DLGAP2: variants seen among roughly 807,000 people sequenced by gnomAD.
DLGAP2 encodes the protein DLG associated protein 2, also known as disks large-associated protein 2.
DLGAP2 carries 26 observed loss-of-function variants against 100.3 expected under a neutral mutation model. The ratio of observed to expected loss-of-function variants is 0.26; its 90% CI spans 0.19 to 0.36. The LOEUF (loss-of-function observed/expected upper bound fraction) is 0.36. Among genes scored for constraint, DLGAP2 ranks in the 10% least tolerant of loss-of-function variants. DLGAP2 has a pLI of 1.00. For synonymous variants in DLGAP2, 886 were observed against 630.1 expected (o/e 1.41, Z -6.08); for missense variants, 1,858 against 1,453.2 (o/e 1.28, Z -4.53).
intron 2 of DLGAP2, among the ~76,000 whole-genome samples, chr8:1,133,881 GCA>G (rs1796348018): frequency 6.6e-6 from 1 of 151,766 alleles, no homozygotes; most frequent in Non-Finnish European, 1.5e-5. Context: ...TGGTACAAGT[GCA>G]GGTTTGTTAC....
Position 1,701,573 on chromosome 8 carries a change from A to G in DLGAP2, c.*167A>G. 1 of 715,834 alleles carries G rather than the reference A, an allele frequency of 1.4e-6. No individual in the cohort carries two copies. The highest frequency in any genetic ancestry group is 2.2e-6 in the Non-Finnish European group (1 of 448,142). The allele number at this position is 715,834 out of a possible 1,614,324, so 44.3% of individuals were successfully genotyped here. ...GACGCGGCCGGCGGCCTCAGAGTCC[A>G]CGGAGCTCGCGGCGAGGACGACTTC... On this transcript the variant is annotated 3_prime_UTR_variant, in exon 15 of 15. Transcript: ENST00000637795.
chr8:1,656,316 A>C (rs1563044396), intron 8 of DLGAP2, among the ~76,000 whole-genome samples: 2 of 152,154 alleles, frequency 1.3e-5, no homozygotes, highest in Admixed American at 1.3e-4. Flanking sequence ...TCTCAAAAAA[A>C]AAAAAAAGTT....
intron 3 of DLGAP2, among the ~76,000 whole-genome samples, chr8:1,471,848 A>C (rs1798804943): frequency 6.6e-6 from 1 of 151,882 alleles, no homozygotes; most frequent in African/African-American, 2.4e-5. Flanking sequence ...CTTTTCTTCC[A>C]GGAGCTCACA....
intron 2 of DLGAP2, among the ~76,000 whole-genome samples, chr8:1,156,988 C>T (rs979700803): frequency 2.6e-5 from 4 of 152,040 alleles, no homozygotes; most frequent in South Asian, 4.2e-4. Flanking sequence ...CAGCTCCTCC[C>T]CCGAGTCCCC....
intron 6 of DLGAP2, among the ~76,000 whole-genome samples, chr8:1,600,386 T>C (rs1266241398): frequency 6.6e-6 from 1 of 152,188 alleles, no homozygotes; most frequent in Admixed American, 6.5e-5. Context: ...CTTTGTGGTG[T>C]TCTCTGTATT....
At chr8:1,594,644 G>GA in intron 6 of DLGAP2, among the ~76,000 whole-genome samples, 1 of 152,174 alleles carries the variant, frequency 6.6e-6, no homozygotes, top group South Asian at 2.1e-4. Flanking sequence ...GGCTGATCCT[G>GA]AACTCCTGAC....
chr8:996,709 A>G (rs1386994677), intron 2 of DLGAP2, among the ~76,000 whole-genome samples: 13 of 152,208 alleles, frequency 8.5e-5, no homozygotes. Context: ...GTTAATCGTC[A>G]TCATTCACTG....
At chr8:1,332,077 G>T (rs962283270) in intron 3 of DLGAP2, among the ~76,000 whole-genome samples, 1 of 152,222 alleles carries the variant, frequency 6.6e-6, no homozygotes, top group Admixed American at 6.5e-5. Context: ...GGGTTTCCAT[G>T]GCCTGGCACA....
intron 2 of DLGAP2, among the ~76,000 whole-genome samples, chr8:1,093,129 G>A (rs1217219021): frequency 1.3e-5 from 2 of 152,316 alleles, no homozygotes; most frequent in Middle Eastern, 6.8e-3. Context: ...ACAGCCTCCA[G>A]CAGACTGGGT....
At position 888,825 on chromosome 8, in the gene DLGAP2, G is replaced by C. The variant is rs116679751; in HGVS notation, c.19-19087G>C. ...TAGGGTGTCTGTGTACAGGGTGTGTGACAACCCCTGTTGGAGGGTCTCACC... is the reference window on the plus strand; with the variant it reads ...TAGGGTGTCTGTGTACAGGGTGTGTCACAACCCCTGTTGGAGGGTCTCACC... On this transcript the variant is annotated intron_variant, in intron 1 of 14. Coordinates refer to ENST00000637795, the MANE Select transcript of DLGAP2 (RefSeq NM_001346810.2). Among the ~76,000 whole-genome samples, 296 of 152,254 alleles carry C rather than the reference G, an allele frequency of 1.9e-3. 1 individual carries two copies. Among genetic ancestry groups the C allele is most frequent in the African/African-American group, 6.8e-3 (281 of 41,542 alleles).
intron 2 of DLGAP2, among the ~76,000 whole-genome samples, chr8:1,114,219 A>G (rs571763589): frequency 6.6e-6 from 1 of 152,140 alleles, no homozygotes; most frequent in South Asian, 2.1e-4. Flanking sequence ...TCATAGAATG[A>G]GTTGGGGAGG....
intron 2 of DLGAP2, among the ~76,000 whole-genome samples, chr8:1,021,947 C>G (rs1357381973): frequency 2.6e-5 from 4 of 152,130 alleles, no homozygotes; most frequent in Non-Finnish European, 5.9e-5. Flanking sequence ...GATGTTAGCG[C>G]CAGTATTAGG....
intron 4 of DLGAP2, among the ~76,000 whole-genome samples, chr8:1,502,485 A>G (rs780152816): frequency 2.0e-5 from 3 of 152,238 alleles, no homozygotes; most frequent in Non-Finnish European, 2.9e-5. Context: ...AGAGTTCTAA[A>G]GGATGACCGT....
Position 1,123,677 on chromosome 8 carries a change from C to A in DLGAP2, c.74-135174C>A, listed in dbSNP as rs1040553977. Reference sequence around the variant, plus strand: ...ATAGTTCTATGCACAACCTCTTTTTCTCTTTTTTTCTCTATGTACAACCTC... The same window carrying A: ...ATAGTTCTATGCACAACCTCTTTTTATCTTTTTTTCTCTATGTACAACCTC... On this transcript the variant is annotated intron_variant, in intron 2 of 14. Transcript: ENST00000637795. Among the ~76,000 whole-genome samples, 3 of 152,162 alleles carry A rather than the reference C, an allele frequency of 2.0e-5. No individual in the cohort carries two copies. In the South Asian group the frequency reaches 6.2e-4, roughly 32 times the overall value.
At chr8:1,325,145 G>A (rs1276783298) in intron 3 of DLGAP2, among the ~76,000 whole-genome samples, 1 of 152,070 alleles carries the variant, frequency 6.6e-6, no homozygotes, top group Non-Finnish European at 1.5e-5. Context: ...ACCTCTGCAG[G>A]GTCACTTTCC....
chr8:1,384,296 A>C (rs112777176), intron 3 of DLGAP2, among the ~76,000 whole-genome samples: 1 of 151,664 alleles, frequency 6.6e-6, no homozygotes, highest in East Asian at 1.9e-4. Flanking sequence ...GCCGTGGCCT[A>C]TGCCCGGCCC....
chr8:1,212,158 G>A (rs59754876), intron 2 of DLGAP2, among the ~76,000 whole-genome samples: 166 of 152,258 alleles, frequency 1.1e-3, no homozygotes, highest in African/African-American at 3.7e-3. Context: ...ACAAGAAAAG[G>A]GCAAAATCCC....
chr8:1,311,457 C>G (rs776396508), intron 3 of DLGAP2, among the ~76,000 whole-genome samples: 3 of 152,094 alleles, frequency 2.0e-5, no homozygotes, highest in Non-Finnish European at 4.4e-5. Context: ...GTAGCTGAGC[C>G]CGATAAAAAT....
intron 8 of DLGAP2, among the ~76,000 whole-genome samples, chr8:1,666,631 G>C (rs1171134950): frequency 1.3e-5 from 2 of 151,286 alleles, no homozygotes; most frequent in Non-Finnish European, 2.9e-5. Flanking sequence ...AGTGAGCTCA[G>C]ATCGCCCCAC....
Sources: allele counts gnomAD v4.1 joint callset (sites outside exome capture counted in the v4.1 genomes callset), GRCh38; gene constraint gnomAD v4.1.1; transcripts MANE v1.5; gene names NCBI Gene and HGNC (gene_info 2026-07-23, HGNC 2026-07-21).